FRMD8: variants seen among roughly 807,000 people sequenced by gnomAD.
FRMD8 encodes the protein FERM domain containing 8.
FRMD8 carries 37 observed loss-of-function variants against 54.2 expected under a neutral mutation model. That is an observed-to-expected ratio of 0.68 (90% confidence interval 0.53 to 0.90). FRMD8 has a LOEUF of 0.90. Ranked by LOEUF, FRMD8 falls within the 40% of genes least tolerant of loss-of-function variation. The pLI is 0.00. For missense variants in FRMD8, 585 were observed against 653.7 expected (o/e 0.89, Z 1.15); for synonymous variants, 246 against 286.9 (o/e 0.86, Z 1.44).
At chr11:65,391,018 CT>C (rs1855834747) in intron 3 of FRMD8, among the ~76,000 whole-genome samples, 1 of 152,376 alleles carries the variant, frequency 6.6e-6, no homozygotes, top group African/African-American at 2.4e-5. Context: ...CCCCAGAACC[CT>C]TTTCCCCCGG....
At chr11:65,372,417 G>C in the FRMD8 span, among the ~76,000 whole-genome samples, 1 of 152,142 alleles carries the variant, frequency 6.6e-6, no homozygotes, top group African/African-American at 2.4e-5. Flanking sequence ...TTGGTGGAAG[G>C]AACTTGGGCC....
At chr11:65,394,718 G>A (rs922493529) in intron 6 of FRMD8, among the ~76,000 whole-genome samples, 9 of 152,176 alleles carry the variant, frequency 5.9e-5, no homozygotes, top group Non-Finnish European at 1.0e-4. Flanking sequence ...CACAGCCAGG[G>A]ACCACCCAGA....
chr11:65,376,538 T>C, the FRMD8 span: 5 of 1,614,088 alleles, frequency 3.1e-6, no homozygotes, highest in African/African-American at 6.7e-5. Context: ...CTGCTCACCA[T>C]GCAGTCCAGC....
chr11:65,396,336 C>T (rs553230490), intron 6 of FRMD8, among the ~76,000 whole-genome samples: 66 of 152,264 alleles, frequency 4.3e-4, no homozygotes, highest in African/African-American at 1.3e-3. Context: ...CATCTGGAGC[C>T]GCAGGATGAG....
At chr11:65,399,609 C>G (rs1303387705) in intron 7 of FRMD8, 127 bp from the exon 8 acceptor site, 2 of 1,152,608 alleles carry the variant, frequency 1.7e-6, no homozygotes, top group Admixed American at 2.5e-5. Flanking sequence ...CTCTGTTTCT[C>G]CCTTCCCTGG....
At position 65,404,419 on chromosome 11, in the gene FRMD8, C is replaced by T. The variant is rs1360392217; in HGVS notation, c.1072-445C>T. ...TTGAGTAGGAGTCACTTTTGAAGAACGTGCTGGCAGGGAGCCGCCCGCCCC... is the reference window on the plus strand; with the variant it reads ...TTGAGTAGGAGTCACTTTTGAAGAATGTGCTGGCAGGGAGCCGCCCGCCCC... On this transcript the variant is annotated intron_variant, in intron 9 of 10. Transcript: ENST00000317568. This position sits in a 1 kb window ranked among gnomAD's most constrained non-coding sequence, Gnocchi z 4.7. Among the ~76,000 whole-genome samples, 8 of 152,176 alleles carry T rather than the reference C, an allele frequency of 5.3e-5. No homozygotes were observed. The highest frequency in any genetic ancestry group is 7.2e-5 in the African/African-American group (3 of 41,520).
intron 6 of FRMD8, 24 bp downstream of exon 6, chr11:65,394,449 CG>C: frequency 1.3e-6 from 2 of 1,550,628 alleles, no homozygotes; most frequent in Admixed American, 1.9e-5. Context: ...TGACTTGAGG[CG>C]GGGGCGCTGG....
intron 10 of FRMD8, among the ~76,000 whole-genome samples, chr11:65,405,278 G>A (rs193125774): frequency 4.2e-4 from 64 of 152,368 alleles, no homozygotes; most frequent in African/African-American, 1.4e-3. Context: ...CAGACGTTCT[G>A]CAGCATTGTC....
chr11:65,378,705 C>A, the FRMD8 span: 13 of 152,410 alleles, frequency 8.5e-5, no homozygotes, highest in African/African-American at 3.1e-4. Context: ...GAGAGGGCGA[C>A]CCTGGCTTGC....
At chr11:65,391,961 C>T (rs1429191189) in intron 3 of FRMD8, among the ~76,000 whole-genome samples, 1 of 152,246 alleles carries the variant, frequency 6.6e-6, no homozygotes, top group African/African-American at 2.4e-5. Flanking sequence ...ATCTCCATGT[C>T]CTCCAGCCCT....
chr11:65,399,835 G>C lies in FRMD8; in HGVS notation c.903G>C (p.Val301=). ...PVSVAISLEG[V]HVIDSREKHV... ...CTGTGGCCATCAGTCTGGAAGGCGT[G>C]CACGTCATCGATAGCAGAGAGAAGG... Residue 301 remains valine (V), a synonymous_variant, in exon 8 of 11, where the codon GTG becomes GTC. Transcript: ENST00000317568. 2 of 1,613,872 alleles carry C rather than the reference G, an allele frequency of 1.2e-6. No homozygotes were observed. The highest frequency in any genetic ancestry group is 1.7e-6 in the Non-Finnish European group (2 of 1,179,910).
Position 65,406,415 on chromosome 11 carries a change from C to T in FRMD8, c.1276+1347C>T, listed in dbSNP as rs190553425. ...TTCACCGTGTTAGCCAGGATGGTCTCGATCTCCTGACCTTGTGGTCCATCC... is the reference window on the plus strand; with the variant it reads ...TTCACCGTGTTAGCCAGGATGGTCTTGATCTCCTGACCTTGTGGTCCATCC... On this transcript the variant is annotated intron_variant, in intron 10 of 10. Coordinates refer to ENST00000317568, the MANE Select transcript of FRMD8 (RefSeq NM_031904.5). Among the ~76,000 whole-genome samples the T allele has an allele frequency of 2.0e-3, 308 of 151,916 alleles. 7 individuals carry two copies. The East Asian group carries it at 0.053, about 26-fold the overall frequency.
chr11:65,396,348 C>T (rs1005523814), intron 6 of FRMD8, among the ~76,000 whole-genome samples: 4 of 152,170 alleles, frequency 2.6e-5, no homozygotes, highest in African/African-American at 7.2e-5. Context: ...CAGGATGAGC[C>T]TTTGGCTTCA....
At chr11:65,387,142 C>A in intron 2 of FRMD8, 21 bp downstream of exon 2, 1 of 1,587,124 alleles carries the variant, frequency 6.3e-7, no homozygotes, top group South Asian at 1.1e-5. Flanking sequence ...CCCGCATCTC[C>A]TCTTCCACAC....
intron 3 of FRMD8, among the ~76,000 whole-genome samples, chr11:65,391,106 G>A (rs1432175578): frequency 6.6e-6 from 1 of 152,258 alleles, no homozygotes; most frequent in African/African-American, 2.4e-5. Context: ...AGGGAGGGGC[G>A]CTGTCTTCTG....
rs1040375535 is a variant in FRMD8 at position 65,394,339 on chromosome 11, G to A, written c.495G>A (p.Val165=). The change falls in exon 6 of 11, where the codon GTG becomes GTA. Residue 165 remains valine (V), a synonymous_variant. Transcript: ENST00000317568. ...TGGCTGCACGGTACCCGTGCGACGT[G>A]GAGGACTGCGAGGCTCTGGGCGCCC... ...NVLAARYPCD[V]EDCEALGALV... The A allele has an allele frequency of 1.9e-6, 3 of 1,584,012 alleles. No homozygotes were observed. The highest frequency in any genetic ancestry group is 2.6e-6 in the Non-Finnish European group (3 of 1,165,550).
chr11:65,376,711 C>T, the FRMD8 span: 134 of 1,613,128 alleles, frequency 8.3e-5, no homozygotes, highest in East Asian at 7.1e-4. Flanking sequence ...GGGTCAGACC[C>T]AGAACAGAGC....
rs138687453 is a variant in FRMD8, at chr11:65,394,376, G to A, written c.532G>A (p.Val178Met). Residue 178 changes from valine (V) to methionine (M), a missense_variant, in exon 6 of 11, where the codon GTG (valine) becomes ATG (methionine). Transcript: ENST00000317568. ...CEALGALVCR[V>M]QLGPYQPGRP... ...GGCTCTGGGCGCCCTGGTGTGCCGCGTGCAGCTTGGGCCCTACCAGCCCGG... is the reference window on the plus strand; with the variant it reads ...GGCTCTGGGCGCCCTGGTGTGCCGCATGCAGCTTGGGCCCTACCAGCCCGG... 20 of 1,575,406 alleles carry A rather than the reference G, an allele frequency of 1.3e-5. No individual in the cohort carries two copies. The African/African-American group carries it at 1.6e-4, about 13-fold the overall frequency.
rs1463354745 is a variant in FRMD8, at chr11:65,412,962, C to T, written c.*1602C>T. 6.6e-6 allele frequency: 1 copy of T among 152,182 alleles called. No homozygotes were observed. Among genetic ancestry groups the T allele is most frequent in the Non-Finnish European group, 1.5e-5 (1 of 68,050 alleles). 9.4% of individuals were successfully genotyped at this position (152,182 alleles called of 1,614,324 possible). ...TTCTGGCGGCTCCAGCGCAGGCTGT[C>T]CCTGCTGCTTTGATTCCAGGTGATT... On this transcript the variant is annotated 3_prime_UTR_variant, in exon 11 of 11. Coordinates refer to ENST00000317568, the MANE Select transcript of FRMD8 (RefSeq NM_031904.5).
Sources: allele counts gnomAD v4.1 joint callset (sites outside exome capture counted in the v4.1 genomes callset), GRCh38; gene constraint gnomAD v4.1.1; non-coding constraint Gnocchi (gnomAD v3.1); transcripts MANE v1.5; gene names NCBI Gene and HGNC (gene_info 2026-07-23, HGNC 2026-07-21).